Variants in CPT1A observed in about 807,000 individuals in gnomAD.
The protein encoded by CPT1A is carnitine O-palmitoyltransferase 1, liver isoform.
A neutral mutation model predicts 100.8 loss-of-function variants in CPT1A; 64 were observed. That is an observed-to-expected ratio of 0.63 (90% confidence interval 0.52 to 0.78). The LOEUF is 0.78. Ranked by LOEUF, CPT1A falls within the 30% of genes least tolerant of loss-of-function variation. The pLI is 0.00. For missense variants in CPT1A, 802 were observed against 1,034.1 expected, an observed-to-expected ratio of 0.78 and a Z score of 3.08; for synonymous variants, 363 against 396.0, an observed-to-expected ratio of 0.92 and a Z score of 0.99.
intron 14 of CPT1A, 69 bp from the exon 15 acceptor site, chr11:68,762,830 G>C: frequency 6.3e-7 from 1 of 1,594,284 alleles, no homozygotes; most frequent in South Asian, 1.1e-5. Flanking sequence ...AGGAAGGATT[G>C]GGTAAGATTG....
rs115224846 is a variant in CPT1A at position 68,830,747 on chromosome 11, C to T, written c.-14+11028G>A. ...TCAGCTCTTTTTCCATTTCTGTTTT[C>T]TCCTTTCTTCATACTTAGCTTAAAG... On this transcript the variant is annotated intron_variant, in intron 1 of 18. Transcript: ENST00000265641. Among the ~76,000 whole-genome samples the T allele has an allele frequency of 7.0e-3, 1,064 of 152,296 alleles. 13 individuals carry two copies. The highest frequency in any genetic ancestry group is 0.024 in the African/African-American group (1,004 of 41,556).
intron 1 of CPT1A, among the ~76,000 whole-genome samples, chr11:68,831,355 T>C (rs963345963): frequency 6.6e-6 from 1 of 152,182 alleles, no homozygotes; most frequent in Non-Finnish European, 1.5e-5. Flanking sequence ...GCACCGTGCA[T>C]TGCCAGGTTT....
At chr11:68,817,292 T>C (rs1473400499) in intron 1 of CPT1A, among the ~76,000 whole-genome samples, 2 of 152,066 alleles carry the variant, frequency 1.3e-5, no homozygotes, top group Non-Finnish European at 2.9e-5. Flanking sequence ...AGATCCCCTG[T>C]TACAGAAATC....
At chr11:68,817,786 A>C in intron 1 of CPT1A, among the ~76,000 whole-genome samples, 1 of 134,482 alleles carries the variant, frequency 7.4e-6, no homozygotes, top group Non-Finnish European at 1.6e-5. Flanking sequence ...TAAGGTCAAG[A>C]GCAGGCCAGC....
chr11:68,834,998 C>A (rs371950779), intron 1 of CPT1A, among the ~76,000 whole-genome samples: 29 of 146,488 alleles, frequency 2.0e-4, no homozygotes, highest in Non-Finnish European at 1.8e-4. Flanking sequence ...GACTCCATCT[C>A]AAAAAAAAAA....
chr11:68,802,715 CAG>C (rs1481999216), intron 5 of CPT1A, among the ~76,000 whole-genome samples: 2 of 150,862 alleles, frequency 1.3e-5, no homozygotes, highest in Admixed American at 6.6e-5. Context: ...GCCTGGGTGA[CAG>C]AGCGAGATTC....
intron 5 of CPT1A, among the ~76,000 whole-genome samples, chr11:68,803,595 C>G (rs1206858861): frequency 6.6e-6 from 1 of 151,950 alleles, no homozygotes; most frequent in Admixed American, 6.6e-5. Flanking sequence ...CCTGTAATCC[C>G]AGCTACTCGG....
chr11:68,818,421 G>A (rs1856490668), intron 1 of CPT1A, among the ~76,000 whole-genome samples: 1 of 152,216 alleles, frequency 6.6e-6, no homozygotes, highest in Non-Finnish European at 1.5e-5. Flanking sequence ...GCCAGAGCAA[G>A]GGAGGAGCTG....
chr11:68,811,752 G>A (rs1182260099), intron 3 of CPT1A, among the ~76,000 whole-genome samples: 3 of 152,116 alleles, frequency 2.0e-5, no homozygotes, highest in East Asian at 1.9e-4. Flanking sequence ...TGGGAGTCTG[G>A]GCCATCTCCA....
intron 1 of CPT1A, among the ~76,000 whole-genome samples, chr11:68,836,480 G>A (rs955729140): frequency 4.7e-5 from 7 of 149,748 alleles, no homozygotes; most frequent in Non-Finnish European, 7.4e-5. Flanking sequence ...ATCCTGCCTC[G>A]GAAAAAAAAA....
chr11:68,843,194 T>G (rs763523234), upstream of CPT1A, among the ~76,000 whole-genome samples: 2 of 151,920 alleles, frequency 1.3e-5, no homozygotes, highest in Non-Finnish European at 2.9e-5. The surrounding 1 kb of genome is among the most constrained non-coding windows in gnomAD (Gnocchi z 4.0). Context: ...AAGGCTAGGA[T>G]GCAAGCTGTC....
chr11:68,761,542 A>G lies in CPT1A; in HGVS notation c.2021T>C (p.Leu674Pro). Residue 674 changes from leucine to proline, a missense_variant, in exon 16 of 19, where the codon CTT (leucine) becomes CCT (proline). This residue lies in a region of CPT1A where 627 missense variants were observed against 799.3 expected (regional missense o/e 0.78). Coordinates refer to ENST00000265641, the MANE Select transcript of CPT1A (RefSeq NM_001876.4). ...SKYLAVESPF[L>P]KEVLSEPWRL... is the part of the protein sequence containing the mutation. ...GAAGTGGAAGAGACTTACTTCCTTA[A>G]GGAAAGGGGACTCCACAGCGAGATA... is the stretch of plus-strand genomic sequence containing the variant. 1 of 1,614,062 alleles carries G rather than the reference A, an allele frequency of 6.2e-7. No homozygotes were observed. The highest frequency in any genetic ancestry group is 8.5e-7 in the Non-Finnish European group (1 of 1,180,012).
In CPT1A at chr11:68,784,928, A is replaced by G. The variant is rs751538837; in HGVS notation, c.1050T>C (p.Asp350=). 2 of 1,614,104 alleles carry G rather than the reference A, an allele frequency of 1.2e-6. No individual in the cohort carries two copies. The highest frequency in any genetic ancestry group is 2.2e-5 in the South Asian group (2 of 91,078). The part of the protein sequence containing the change: ...GRYFKVWLYH[D]GRLLKPREME... ...TCTCCCGGGGCTTCAGCAGCCGCCCATCATGGTAGAGCCAGACCTTGAAGT... is the reference window on the plus strand; with the variant it reads ...TCTCCCGGGGCTTCAGCAGCCGCCCGTCATGGTAGAGCCAGACCTTGAAGT... Residue 350 remains aspartate (D), a synonymous_variant, in exon 10 of 19, where the codon GAT becomes GAC. Coordinates refer to ENST00000265641, the MANE Select transcript of CPT1A (RefSeq NM_001876.4).
intron 11 of CPT1A, among the ~76,000 whole-genome samples, chr11:68,780,958 C>T (rs532149931): frequency 2.4e-4 from 36 of 152,296 alleles, no homozygotes; most frequent in African/African-American, 8.2e-4. Context: ...CAAAGATGAG[C>T]GCTTATATCC....
rs115985347 is a variant in CPT1A at position 68,832,159 on chromosome 11, C to G, written c.-14+9616G>C. Among the ~76,000 whole-genome samples, 1,104 of 152,302 alleles carry G rather than the reference C, an allele frequency of 7.2e-3. 13 individuals are homozygous for G. The highest frequency in any genetic ancestry group is 0.025 in the African/African-American group (1,043 of 41,578). ...AAATAGCAGGGCTGGAAATCAAACC[C>G]AGGCCCAGGCCAGGTGCGGTGGCTC... On this transcript the variant is annotated intron_variant, in intron 1 of 18. Coordinates refer to ENST00000265641, the MANE Select transcript of CPT1A (RefSeq NM_001876.4).
chr11:68,782,300 A>G (rs1239652701), intron 10 of CPT1A, among the ~76,000 whole-genome samples: 2 of 152,170 alleles, frequency 1.3e-5, no homozygotes, highest in Non-Finnish European at 2.9e-5. Flanking sequence ...TCCCCTCTAC[A>G]GGAACCACCC....
At position 68,789,654 on chromosome 11, in the gene CPT1A, G is replaced by A. The variant is rs572298328; in HGVS notation, c.967+3661C>T. ...TGACCTCAAGTGATCCACCCGCCTC[G>A]GCCTCCCAAAGTGCTGGGATTACAG... is the stretch of plus-strand genomic sequence containing the variant. On this transcript the variant is annotated intron_variant, in intron 9 of 18. Coordinates refer to ENST00000265641, the MANE Select transcript of CPT1A (RefSeq NM_001876.4). Among the ~76,000 whole-genome samples the A allele has an allele frequency of 3.3e-5, 5 of 152,092 alleles. 1 individual carries two copies. The South Asian group carries it at 6.2e-4, about 19-fold the overall frequency.
intron 14 of CPT1A, among the ~76,000 whole-genome samples, chr11:68,763,226 C>A (rs1190728598): frequency 6.6e-6 from 1 of 152,104 alleles, no homozygotes; most frequent in Non-Finnish European, 1.5e-5. Flanking sequence ...GTGTCACTGG[C>A]TTCAGGAAGG....
intron 1 of CPT1A, among the ~76,000 whole-genome samples, chr11:68,820,872 A>G (rs893274459): frequency 6.6e-6 from 1 of 152,096 alleles, no homozygotes; most frequent in Admixed American, 6.6e-5. Context: ...CCTCGTATAC[A>G]CATCTGTCCC....
Sources: gnomAD v4.1 joint callset for allele counts (sites outside exome capture counted in the v4.1 genomes callset) on GRCh38, gnomAD v4.1.1 for gene constraint, gnomAD v4.1.1 regional missense constraint, Gnocchi (gnomAD v3.1) non-coding constraint, MANE v1.5 for transcripts, NCBI Gene and HGNC (gene_info 2026-07-23, HGNC 2026-07-21) for gene names.